Variants in AQR observed in about 807,000 individuals in gnomAD.
AQR encodes aquarius intron-binding spliceosomal factor, also known as RNA helicase aquarius.
In AQR, 61 loss-of-function variants were observed where a neutral mutation model predicts 180.5. That is an observed-to-expected ratio of 0.34 (90% CI 0.28 to 0.42). AQR has a LOEUF of 0.42. Ranked by LOEUF, AQR falls within the 10% of genes least tolerant of loss-of-function variation. AQR has a pLI of 1.00. For synonymous variants in AQR, 551 were observed against 588.8 expected (o/e 0.94, Z 0.93); for missense variants, 1,281 against 1,798.3 (o/e 0.71, Z 5.20).
At position 34,943,350 on chromosome 15, in the gene AQR, G is replaced by T. The variant is rs765278344; in HGVS notation, c.471+938C>A. The stretch of plus-strand genomic sequence containing the variant: ...GGCTATTAAAAGATGCAAGCATTTT[G>T]AACTGGGAGGAGATAAGAAGAGAAA... On this transcript the variant is annotated intron_variant, in intron 6 of 34. Coordinates refer to ENST00000156471, the MANE Select transcript of AQR (RefSeq NM_014691.3). 2.0e-6 allele frequency: 3 copies of T among 1,474,796 alleles called. No individual in the cohort carries two copies. In the African/African-American group the frequency reaches 4.2e-5, roughly 20 times the overall value. The allele number at this position is 1,474,796 out of a possible 1,614,324, so 91.4% of individuals were successfully genotyped here.
chr15:34,862,800 C>T (rs1595779453), intron 33 of AQR, 67 bp downstream of exon 33: 3 of 1,535,516 alleles, frequency 2.0e-6, no homozygotes, highest in East Asian at 2.3e-5. Flanking sequence ...AATGTGGTCA[C>T]CTATAAGAAA....
intron 16 of AQR, among the ~76,000 whole-genome samples, chr15:34,912,725 G>T (rs11633307): frequency 0.73 from 110,588 of 151,700 alleles, 41,812 homozygotes; most frequent in Middle Eastern, 0.85. Flanking sequence ...TCAGTCTAAC[G>T]AGTCTTTAGT....
intron 30 of AQR, among the ~76,000 whole-genome samples, chr15:34,871,558 C>G (rs1368484750): frequency 6.7e-6 from 1 of 149,764 alleles, no homozygotes; most frequent in African/African-American, 2.5e-5. Flanking sequence ...TGTAGTTACA[C>G]AGACACAAAA....
intron 27 of AQR, among the ~76,000 whole-genome samples, chr15:34,880,567 A>G (rs1892957665): frequency 3.9e-5 from 6 of 151,962 alleles, no homozygotes; most frequent in Admixed American, 3.3e-4. Flanking sequence ...TTCCAGAAAG[A>G]AAAAAAAATT....
Position 34,948,389 on chromosome 15 carries a change from A to G in AQR, c.210-5T>C, listed in dbSNP as rs1428319577. On this transcript the variant is annotated splice_region_variant and splice_polypyrimidine_tract_variant and intron_variant, in intron 4 of 34. Transcript: ENST00000156471. ...AGATAATTTTCAAGATACTGGCTGT[A>G]AAGAGTAAAAAGCATAGAATACTTC... 1.9e-6 allele frequency: 3 copies of G among 1,610,932 alleles called. No homozygotes were observed. The highest frequency in any genetic ancestry group is 2.5e-6 in the Non-Finnish European group (3 of 1,179,700).
chr15:34,918,200 A>G lies in AQR; in HGVS notation c.1342+58T>C, dbSNP rs182956658. 14 of 1,578,914 alleles carry G rather than the reference A, an allele frequency of 8.9e-6. No individual in the cohort carries two copies. In the Admixed American group the frequency reaches 1.8e-4, roughly 20 times the overall value. The stretch of plus-strand genomic sequence containing the variant: ...TACACTGCCTATAATTGCCAATTAT[A>G]TATGATAAATCTGAAATTGTTTCAT... On this transcript the variant is annotated intron_variant, in intron 15 of 34. Coordinates refer to ENST00000156471, the MANE Select transcript of AQR (RefSeq NM_014691.3).
intron 30 of AQR, among the ~76,000 whole-genome samples, chr15:34,872,885 C>T (rs888174825): frequency 1.3e-5 from 2 of 152,042 alleles, no homozygotes; most frequent in African/African-American, 4.8e-5. Context: ...ACCCCAAATG[C>T]TACCAACCAA....
chr15:34,937,715 C>T (rs1288883479), intron 9 of AQR, among the ~76,000 whole-genome samples: 1 of 151,960 alleles, frequency 6.6e-6, no homozygotes, highest in Non-Finnish European at 1.5e-5. Flanking sequence ...AAAACCTCGT[C>T]TCTACTAAAA....
At chr15:34,871,500 C>T (rs1385803417) in intron 30 of AQR, among the ~76,000 whole-genome samples, 3 of 125,808 alleles carry the variant, frequency 2.4e-5, no homozygotes, top group African/African-American at 9.2e-5. Context: ...AGTGAGATCT[C>T]ATCTCCAAAA....
rs757191131 is a variant in AQR at position 34,927,109 on chromosome 15, G to A, written c.1044C>T (p.Leu348=). ...CCACATTTGAGAGGGCAAAATCATA[G>A]AGTTCAGGAAAATGTGCAAAAGCAG... ...QRAAFAHFPE[L]YDFALSNVAE... is the part of the protein sequence containing the mutation. Residue 348 remains leucine (L), a synonymous_variant, in exon 13 of 35, where the codon CTC becomes CTT. Transcript: ENST00000156471. 3.8e-6 allele frequency: 6 copies of A among 1,591,730 alleles called. No homozygotes were observed. The East Asian group carries it at 1.4e-4, about 36-fold the overall frequency.
At chr15:34,888,160 T>C (rs1211024189) in intron 24 of AQR, among the ~76,000 whole-genome samples, 1 of 150,880 alleles carries the variant, frequency 6.6e-6, no homozygotes, top group Non-Finnish European at 1.5e-5. Context: ...TAGCCAGGTG[T>C]GGTGGTGGGC....
intron 33 of AQR, among the ~76,000 whole-genome samples, chr15:34,861,203 T>C (rs1388584152): frequency 6.6e-6 from 1 of 152,192 alleles, no homozygotes; most frequent in Admixed American, 6.5e-5. Flanking sequence ...TTAAACAACA[T>C]TTCTCAGAAG....
chr15:34,869,138 G>A (rs1892779401), intron 31 of AQR: 1 of 152,098 alleles, frequency 6.6e-6, no homozygotes, highest in African/African-American at 2.4e-5. Flanking sequence ...CAGTTCTAGA[G>A]TTTCAGTTGT....
chr15:34,949,476 G>T (rs1336562592), intron 4 of AQR, among the ~76,000 whole-genome samples: 1 of 151,616 alleles, frequency 6.6e-6, no homozygotes, highest in African/African-American at 2.4e-5. Flanking sequence ...GGGCATGGTG[G>T]CGTGTGCCTA....
rs1053469455 is a variant in AQR, at chr15:34,852,704, G to A, written c.*4088C>T. On this transcript the variant is annotated 3_prime_UTR_variant, in exon 35 of 35. Transcript: ENST00000156471. Reference sequence around the variant, plus strand: ...TAACAGTGCATTGTGATTCTGCAAAGGAGGAACAATAATTCACTGTTTCCC... The same window carrying A: ...TAACAGTGCATTGTGATTCTGCAAAAGAGGAACAATAATTCACTGTTTCCC... The A allele has an allele frequency of 1.3e-5, 2 of 152,200 alleles. No homozygotes were observed. Among genetic ancestry groups the A allele is most frequent in the African/African-American group, 4.8e-5 (2 of 41,450 alleles). 9.4% of individuals were successfully genotyped at this position (152,200 alleles called of 1,614,324 possible).
chr15:34,881,390 GTCAGTTACTT>G (rs772800701), intron 27 of AQR, among the ~76,000 whole-genome samples: 2 of 152,018 alleles, frequency 1.3e-5, no homozygotes, highest in Non-Finnish European at 2.9e-5. Context: ...TTTTAAAATT[GTCAGTTACTT>G]TAATCAACAA....
intron 3 of AQR, among the ~76,000 whole-genome samples, chr15:34,958,988 TATAG>T (rs371023854): frequency 3.2e-5 from 1 of 31,690 alleles, no homozygotes; most frequent in Non-Finnish European, 1.6e-4. Flanking sequence ...TAGATATAGA[TATAG>T]ATATAGATAT....
chr15:34,936,716 T>A (rs866569761), intron 9 of AQR, among the ~76,000 whole-genome samples: 2,672 of 139,300 alleles, frequency 0.019, 70 homozygotes, highest in African/African-American at 0.061. Context: ...ACTCCATCTT[T>A]AAAAAAAAAA....
chr15:34,957,997 G>A (rs1057078276), intron 3 of AQR, among the ~76,000 whole-genome samples: 1 of 150,934 alleles, frequency 6.6e-6, no homozygotes, highest in South Asian at 2.1e-4. Flanking sequence ...TCACAAGGTC[G>A]GGAGATCGAG....
Sources: allele counts gnomAD v4.1 joint callset (sites outside exome capture counted in the v4.1 genomes callset), GRCh38; gene constraint gnomAD v4.1.1; transcripts MANE v1.5; gene names NCBI Gene and HGNC (gene_info 2026-07-23, HGNC 2026-07-21).